ZNF562: variants seen among roughly 807,000 people sequenced by gnomAD.
The protein encoded by ZNF562 is zinc finger protein 562.
Under a neutral mutation model 17.5 loss-of-function variants are expected in ZNF562, and 13 were observed. The ratio of observed to expected loss-of-function variants is 0.74; its 90% CI spans 0.48 to 1.18. The LOEUF is 1.18. Ranked by LOEUF, ZNF562 falls within the 50% of genes most tolerant of loss-of-function variation. ZNF562 has a pLI of 0.00. For missense variants in ZNF562, 481 were observed against 498.5 expected, an observed-to-expected ratio of 0.96 and a Z score of 0.33; for synonymous variants, 163 against 165.4, an observed-to-expected ratio of 0.99 and a Z score of 0.11.
rs540466911 is a variant in ZNF562 at position 9,650,245 on chromosome 19, C to T, written c.*2704G>A. On this transcript the variant is annotated 3_prime_UTR_variant, in exon 6 of 6. Transcript: ENST00000453372. Reference sequence around the variant, plus strand: ...ATTTAGAGAGAGCTTCATCATCATACGAATTTTGGGGGTCATTGTTCAGTC... The same window carrying T: ...ATTTAGAGAGAGCTTCATCATCATATGAATTTTGGGGGTCATTGTTCAGTC... The T allele has an allele frequency of 4.6e-5, 7 of 152,036 alleles. No homozygotes were observed. Among genetic ancestry groups the T allele is most frequent in the East Asian group, 3.9e-4 (2 of 5,184 alleles). 9.4% of individuals were successfully genotyped at this position (152,036 alleles called of 1,614,324 possible). A position where few individuals can be genotyped will look rare whatever the true frequency, so the allele number is the denominator to read the frequency against.
chr19:9,669,732 G>GCACACACACACACA (rs1276865026), intron 1 of ZNF562, among the ~76,000 whole-genome samples: 32 of 76,788 alleles, frequency 4.2e-4, no homozygotes, highest in Admixed American at 6.1e-4. Context: ...GCGCGCGCGC[G>GCACACACACACACA]CGCACACACA....
intron 1 of ZNF562, among the ~76,000 whole-genome samples, chr19:9,661,543 C>A (rs2043738578): frequency 6.6e-6 from 1 of 151,762 alleles, no homozygotes. Flanking sequence ...TGCCTGTAAT[C>A]CCAACACTTT....
At chr19:9,669,905 T>C (rs1027690700) in intron 1 of ZNF562, among the ~76,000 whole-genome samples, 12 of 151,560 alleles carry the variant, frequency 7.9e-5, no homozygotes, top group African/African-American at 2.7e-4. Flanking sequence ...CTACTGAAAA[T>C]ACAAAAATTA....
intron 1 of ZNF562, among the ~76,000 whole-genome samples, chr19:9,665,489 G>T (rs1266962456): frequency 6.6e-6 from 1 of 152,144 alleles, no homozygotes; most frequent in South Asian, 2.1e-4. Context: ...AGCCTGAAGG[G>T]AGAAATACCC....
At position 9,645,865 on chromosome 19, in the gene ZNF562, C is replaced by T. The variant is rs528838400; in HGVS notation, c.*7084G>A. 5.3e-5 allele frequency: 8 copies of T among 151,810 alleles called. No homozygotes were observed. Among genetic ancestry groups the T allele is most frequent in the South Asian group, 2.1e-4 (1 of 4,806 alleles). The allele number at this position is 151,810 out of a possible 1,614,324, so 9.4% of individuals were successfully genotyped here. A position where few individuals can be genotyped will look rare whatever the true frequency, so the allele number is the denominator to read the frequency against. On this transcript the variant is annotated 3_prime_UTR_variant, in exon 6 of 6. Coordinates refer to ENST00000453372, the MANE Select transcript of ZNF562 (RefSeq NM_001130031.2). Reference sequence around the variant, plus strand: ...TTAAAATTGTTATTTATGGTAACAACGAAAAGTAACATACAAATTTCAAAC... The same window carrying T: ...TTAAAATTGTTATTTATGGTAACAATGAAAAGTAACATACAAATTTCAAAC...
intron 5 of ZNF562, among the ~76,000 whole-genome samples, chr19:9,655,717 CTTTTTTT>C (rs58199071): frequency 0.052 from 2,547 of 48,808 alleles, 131 homozygotes; most frequent in African/African-American, 0.19. Context: ...TCTTTTCTTT[CTTTTTTT>C]TTTTTTTTTT....
chr19:9,660,992 C>T (rs539686591), intron 1 of ZNF562, 118 bp from the exon 2 acceptor site: 9 of 384,818 alleles, frequency 2.3e-5, no homozygotes, highest in South Asian at 1.9e-4. Flanking sequence ...TACTCAGTAT[C>T]GTCACTCAGT....
rs148764151 is a variant in ZNF562, at chr19:9,650,397, T to A, written c.*2552A>T. On this transcript the variant is annotated 3_prime_UTR_variant, in exon 6 of 6. Transcript: ENST00000453372. ...ATATGTGTATATATATGTATATATA[T>A]ATACACATACACACACACACACACA... The A allele has an allele frequency of 4.2e-5, 6 of 143,060 alleles. No individual in the cohort carries two copies. The highest frequency in any genetic ancestry group is 1.6e-4 in the African/African-American group (6 of 36,792). The allele number at this position is 143,060 out of a possible 1,614,324, so 8.9% of individuals were successfully genotyped here.
At chr19:9,657,592 G>T (rs1327070880) in intron 4 of ZNF562, among the ~76,000 whole-genome samples, 2 of 150,702 alleles carry the variant, frequency 1.3e-5, no homozygotes, top group African/African-American at 4.9e-5. Context: ...CTGTCACCAG[G>T]CTGGAGTGCA....
At chr19:9,666,126 A>C (rs2043946608) in intron 1 of ZNF562, among the ~76,000 whole-genome samples, 1 of 152,138 alleles carries the variant, frequency 6.6e-6, no homozygotes. Flanking sequence ...GGAGTTCAAG[A>C]CCAGCCTGAC....
At chr19:9,672,669 C>T (rs2044238989) in intron 1 of ZNF562, among the ~76,000 whole-genome samples, 1 of 151,918 alleles carries the variant, frequency 6.6e-6, no homozygotes, top group South Asian at 2.1e-4. Flanking sequence ...TGTAATAAAG[C>T]CTCCATTCTT....
In ZNF562 at chr19:9,650,304, CAT is replaced by C. The variant is rs1280343946; in HGVS notation, c.*2643_*2644del. 1 of 151,754 alleles carries C rather than the reference CAT, an allele frequency of 6.6e-6. No individual in the cohort carries two copies. Among genetic ancestry groups the C allele is most frequent in the African/African-American group, 2.4e-5 (1 of 41,286 alleles). The allele number at this position is 151,754 out of a possible 1,614,324, so 9.4% of individuals were successfully genotyped here. On this transcript the variant is annotated 3_prime_UTR_variant, in exon 6 of 6. Coordinates refer to ENST00000453372, the MANE Select transcript of ZNF562 (RefSeq NM_001130031.2). Reference sequence around the variant, plus strand: ...TTAATATGATTCTTTTCTCTTTCCACATAGAGAATCAGATAATCTATAAATAA... The same window carrying C: ...TTAATATGATTCTTTTCTCTTTCCACAGAGAATCAGATAATCTATAAATAA...
intron 3 of ZNF562, 136 bp from the exon 4 acceptor site, chr19:9,658,271 G>A (rs1218371008): frequency 1.2e-5 from 17 of 1,360,568 alleles, no homozygotes; most frequent in Non-Finnish European, 1.1e-5. Context: ...AGGGTTTAAT[G>A]TCTCAGGAGC....
At chr19:9,661,534 G>A (rs1351890319) in intron 1 of ZNF562, among the ~76,000 whole-genome samples, 1 of 152,080 alleles carries the variant, frequency 6.6e-6, no homozygotes, top group Non-Finnish European at 1.5e-5. Context: ...GGTGGCTCAT[G>A]CCTGTAATCC....
chr19:9,642,645 A>G lies in ZNF562; in HGVS notation c.*10304T>C, dbSNP rs1325535060. 3.9e-5 allele frequency: 6 copies of G among 152,092 alleles called. No individual in the cohort carries two copies. Among genetic ancestry groups the G allele is most frequent in the Admixed American group, 2.6e-4 (4 of 15,254 alleles). 9.4% of individuals were successfully genotyped at this position (152,092 alleles called of 1,614,324 possible). A position where few individuals can be genotyped will look rare whatever the true frequency, so the allele number is the denominator to read the frequency against. Reference sequence around the variant, plus strand: ...ATAGAGGGAAAACCCAAAATGGAATACGAACAGGAACAATCAATCTGAACT... The same window carrying G: ...ATAGAGGGAAAACCCAAAATGGAATGCGAACAGGAACAATCAATCTGAACT... On this transcript the variant is annotated 3_prime_UTR_variant, in exon 6 of 6. Coordinates refer to ENST00000453372, the MANE Select transcript of ZNF562 (RefSeq NM_001130031.2).
Position 9,647,492 on chromosome 19 carries a change from T to C in ZNF562, c.*5457A>G, listed in dbSNP as rs558939079. 1 of 152,312 alleles carries C rather than the reference T, an allele frequency of 6.6e-6. No homozygotes were observed. The highest frequency in any genetic ancestry group is 1.9e-4 in the East Asian group (1 of 5,178). 9.4% of individuals were successfully genotyped at this position (152,312 alleles called of 1,614,324 possible). A position where few individuals can be genotyped will look rare whatever the true frequency, so the allele number is the denominator to read the frequency against. ...GAATCCTTCTGACTGAGCTTCCCAG[T>C]GTGCTGGGATTAAAAGTGTGAGCCA... On this transcript the variant is annotated 3_prime_UTR_variant, in exon 6 of 6. Transcript: ENST00000453372.
chr19:9,669,616 T>C (rs2044070698), intron 1 of ZNF562, among the ~76,000 whole-genome samples: 1 of 150,358 alleles, frequency 6.7e-6, no homozygotes, highest in South Asian at 2.1e-4. Context: ...AGCCCAGGAG[T>C]TCCAGACCAG....
chr19:9,662,007 C>A (rs1452670292), intron 1 of ZNF562, among the ~76,000 whole-genome samples: 1 of 151,978 alleles, frequency 6.6e-6, no homozygotes, highest in African/African-American at 2.4e-5. Context: ...AACAATCCTC[C>A]CACCTTGGCC....
At position 9,646,372 on chromosome 19, in the gene ZNF562, A is replaced by G. The variant is rs888898702; in HGVS notation, c.*6577T>C. 2 of 152,110 alleles carry G rather than the reference A, an allele frequency of 1.3e-5. No individual in the cohort carries two copies. The highest frequency in any genetic ancestry group is 2.9e-5 in the Non-Finnish European group (2 of 68,018). The allele number at this position is 152,110 out of a possible 1,614,324, so 9.4% of individuals were successfully genotyped here. A position where few individuals can be genotyped will look rare whatever the true frequency, so the allele number is the denominator to read the frequency against. ...GACATCAGCCACTATGCCCAGCGGT[A>G]TACAGATTTTTTAAAACTCCAGCTA... On this transcript the variant is annotated 3_prime_UTR_variant, in exon 6 of 6. Transcript: ENST00000453372.
Sources: allele counts gnomAD v4.1 joint callset (sites outside exome capture counted in the v4.1 genomes callset), GRCh38; gene constraint gnomAD v4.1.1; transcripts MANE v1.5; gene names NCBI Gene and HGNC (gene_info 2026-07-23, HGNC 2026-07-21).